APCDD1: variants seen among roughly 807,000 people sequenced by gnomAD.
The protein encoded by APCDD1 is APC down-regulated 1, also known as protein APCDD1.
Under a neutral mutation model 38.1 loss-of-function variants are expected in APCDD1, and 15 were observed. That is an observed-to-expected ratio of 0.39 (90% confidence interval 0.26 to 0.61). The LOEUF is 0.61. APCDD1 is among the 20% of genes least tolerant of loss of function. The pLI is 0.49. For synonymous variants in APCDD1, 261 were observed against 279.7 expected, an observed-to-expected ratio of 0.93 and a Z score of 0.67; for missense variants, 647 against 696.2, an observed-to-expected ratio of 0.93 and a Z score of 0.79.
chr18:10,472,075 C>G lies in APCDD1; in HGVS notation c.774+14C>G, dbSNP rs1487423664. 4 of 1,612,948 alleles carry G rather than the reference C, an allele frequency of 2.5e-6. No homozygotes were observed. Among genetic ancestry groups the G allele is most frequent in the Non-Finnish European group, 3.4e-6 (4 of 1,180,012 alleles). On this transcript the variant is annotated intron_variant, in intron 3 of 4. Coordinates refer to ENST00000355285, the MANE Select transcript of APCDD1 (RefSeq NM_153000.5). This position sits in a 1 kb window ranked among gnomAD's most constrained non-coding sequence, Gnocchi z 6.6. ...CAGAATGCCAAGGTACCTCAGAGCT[C>G]TGTGTTCTCCTCTTTATTGAGTAAA...
intron 3 of APCDD1, among the ~76,000 whole-genome samples, chr18:10,474,868 T>C (rs1470810801): frequency 6.6e-6 from 1 of 152,212 alleles, no homozygotes; most frequent in Non-Finnish European, 1.5e-5. Flanking sequence ...GCATGGCAAT[T>C]AAAGACAGCA....
intron 3 of APCDD1, among the ~76,000 whole-genome samples, chr18:10,473,643 GGAGA>G (rs2030917811): frequency 6.6e-6 from 1 of 152,216 alleles, no homozygotes; most frequent in Non-Finnish European, 1.5e-5. Flanking sequence ...GGTATCAGAA[GGAGA>G]ATCGGCTCAT....
chr18:10,463,162 T>A (rs531801980), intron 1 of APCDD1, among the ~76,000 whole-genome samples: 36 of 152,044 alleles, frequency 2.4e-4, no homozygotes, highest in African/African-American at 8.2e-4. Flanking sequence ...TTGAGTGTGC[T>A]CAAGCACACT....
intron 3 of APCDD1, among the ~76,000 whole-genome samples, chr18:10,483,312 T>C (rs987309778): frequency 1.3e-5 from 2 of 152,250 alleles, no homozygotes; most frequent in African/African-American, 4.8e-5. Flanking sequence ...AGTTTCTCCG[T>C]GTGCCCCTAA....
At chr18:10,461,090 GT>G (rs5823099) in intron 1 of APCDD1, among the ~76,000 whole-genome samples, 41,268 of 151,956 alleles carry the variant, frequency 0.27, 5,734 homozygotes, top group Non-Finnish European at 0.3. Flanking sequence ...TATGATTGTA[GT>G]TTACAATCAT....
In APCDD1 at chr18:10,472,175, G is replaced by A. The variant is rs12955980; in HGVS notation, c.774+114G>A. ...GAAAGGGGGAATTCTGCATCATGGC[G>A]GGGCAGGCCAAGGTGGGGCTGCTGC... On this transcript the variant is annotated intron_variant, in intron 3 of 4. Coordinates refer to ENST00000355285, the MANE Select transcript of APCDD1 (RefSeq NM_153000.5). The surrounding 1 kb of genome is among the most constrained non-coding windows in gnomAD (Gnocchi z 6.6). The A allele has an allele frequency of 2.9e-4, 421 of 1,464,808 alleles. No homozygotes were observed. The highest frequency in any genetic ancestry group is 3.7e-4 in the Non-Finnish European group (395 of 1,060,598). 90.7% of individuals were successfully genotyped at this position (1,464,808 alleles called of 1,614,324 possible). A position where few individuals can be genotyped will look rare whatever the true frequency, so the allele number is the denominator to read the frequency against.
In APCDD1 at chr18:10,475,967, G is replaced by C. The variant is rs2030989289; in HGVS notation, c.774+3906G>C. The C allele has an allele frequency of 6.6e-6, 1 of 152,246 alleles. No homozygotes were observed. 9.4% of individuals were successfully genotyped at this position (152,246 alleles called of 1,614,324 possible). ...AGGAACAAAATGGACTCAGCCATTG[G>C]TGTCTTTCCAGACCCGGGCACCAGA... On this transcript the variant is annotated intron_variant, in intron 3 of 4. Coordinates refer to ENST00000355285, the MANE Select transcript of APCDD1 (RefSeq NM_153000.5). The surrounding 1 kb of genome is among the most constrained non-coding windows in gnomAD (Gnocchi z 4.0).
intron 1 of APCDD1, 142 bp downstream of exon 1, chr18:10,455,181 C>T: frequency 7.3e-7 from 1 of 1,370,050 alleles, no homozygotes; most frequent in Non-Finnish European, 9.6e-7. Flanking sequence ...GAGCCCCGCG[C>T]CTGCCGTCTC....
At chr18:10,483,266 C>G (rs1035271951) in intron 3 of APCDD1, among the ~76,000 whole-genome samples, 10 of 152,224 alleles carry the variant, frequency 6.6e-5, no homozygotes, top group African/African-American at 2.4e-4. Flanking sequence ...CTGTAACTTG[C>G]AGAGGGCAGC....
rs1192689371 is a variant in APCDD1 at position 10,488,876 on chromosome 18, CCA to C, written c.*843_*844del. On this transcript the variant is annotated 3_prime_UTR_variant, in exon 5 of 5. Transcript: ENST00000355285. ...ACGGGTGGCTGCAGTGTGGTACATG[CCA>C]CACAAATGATAGAGAAAGTGCCCGT... The C allele has an allele frequency of 3.3e-5, 5 of 152,276 alleles. No homozygotes were observed. Among genetic ancestry groups the C allele is most frequent in the Non-Finnish European group, 7.3e-5 (5 of 68,044 alleles). The allele number at this position is 152,276 out of a possible 1,614,324, so 9.4% of individuals were successfully genotyped here. A position where few individuals can be genotyped will look rare whatever the true frequency, so the allele number is the denominator to read the frequency against.
At chr18:10,457,658 A>T (rs1345682288) in intron 1 of APCDD1, among the ~76,000 whole-genome samples, 1 of 152,242 alleles carries the variant, frequency 6.6e-6, no homozygotes, top group African/African-American at 2.4e-5. Context: ...TTAGAGATTT[A>T]TTTGTTACAC....
Position 10,483,466 on chromosome 18 carries a change from C to G in APCDD1, c.775-1996C>G, listed in dbSNP as rs147616914. The stretch of plus-strand genomic sequence containing the variant: ...GTTAGCAAAGGAAACATTATCTCGC[C>G]TGAAGTGCAACTCTATGCCCATCTA... On this transcript the variant is annotated intron_variant, in intron 3 of 4. Transcript: ENST00000355285. Among the ~76,000 whole-genome samples the G allele has an allele frequency of 1.5e-3, 229 of 152,342 alleles. 1 individual carries two copies. In the East Asian group the frequency reaches 0.015, roughly 10 times the overall value.
intron 3 of APCDD1, among the ~76,000 whole-genome samples, chr18:10,474,828 T>C (rs1011331365): frequency 1.3e-5 from 2 of 152,072 alleles, no homozygotes; most frequent in Admixed American, 6.5e-5. Flanking sequence ...GGAGGGAAAA[T>C]GCCCCACAAG....
At chr18:10,457,471 T>C (rs1263155855) in intron 1 of APCDD1, among the ~76,000 whole-genome samples, 1 of 152,238 alleles carries the variant, frequency 6.6e-6, no homozygotes, top group African/African-American at 2.4e-5. Flanking sequence ...CTGAAGGCAA[T>C]TCTTGAAATC....
chr18:10,466,602 A>G (rs563539089), intron 1 of APCDD1, among the ~76,000 whole-genome samples: 1 of 152,264 alleles, frequency 6.6e-6, no homozygotes, highest in South Asian at 2.1e-4. Flanking sequence ...TTCCACTTCC[A>G]TAACTCATGT....
chr18:10,481,825 C>CAA (rs34793508), intron 3 of APCDD1, among the ~76,000 whole-genome samples: 1 of 151,452 alleles, frequency 6.6e-6, no homozygotes, highest in African/African-American at 2.4e-5. Flanking sequence ...CTCCACAAGA[C>CAA]AAAAAAAACA....
Position 10,472,082 on chromosome 18 carries a change from C to T in APCDD1, c.774+21C>T. ...CCAAGGTACCTCAGAGCTCTGTGTTCTCCTCTTTATTGAGTAAAGTGGGTG... is the reference window on the plus strand; with the variant it reads ...CCAAGGTACCTCAGAGCTCTGTGTTTTCCTCTTTATTGAGTAAAGTGGGTG... On this transcript the variant is annotated intron_variant, in intron 3 of 4. Transcript: ENST00000355285. This position sits in a 1 kb window ranked among gnomAD's most constrained non-coding sequence, Gnocchi z 6.6. The T allele has an allele frequency of 6.2e-7, 1 of 1,612,722 alleles. No homozygotes were observed. The highest frequency in any genetic ancestry group is 8.5e-7 in the Non-Finnish European group (1 of 1,179,988).
rs976349060 is a variant in APCDD1 at position 10,472,154 on chromosome 18, G to A, written c.774+93G>A. The A allele has an allele frequency of 1.9e-6, 3 of 1,555,534 alleles. No homozygotes were observed. The African/African-American group carries it at 4.1e-5, about 21-fold the overall frequency. ...TGGGGGCTCTAGGGCACCCTTGAAAGGGGGAATTCTGCATCATGGCGGGGC... is the reference window on the plus strand; with the variant it reads ...TGGGGGCTCTAGGGCACCCTTGAAAAGGGGAATTCTGCATCATGGCGGGGC... On this transcript the variant is annotated intron_variant, in intron 3 of 4. Coordinates refer to ENST00000355285, the MANE Select transcript of APCDD1 (RefSeq NM_153000.5). The surrounding 1 kb of genome is among the most constrained non-coding windows in gnomAD (Gnocchi z 6.6).
Position 10,485,576 on chromosome 18 carries a change from A to G in APCDD1, c.889A>G (p.Ser297Gly). Reference protein sequence around the residue: ...LTIGLHGEWVSQRCEVRPEVL... With the variant: ...LTIGLHGEWVGQRCEVRPEVL... ...CATCGGCCTGCACGGGGAGTGGGTG[A>G]GCCAGCGCTGTGAGGTGCGCCCCGA... The change falls in exon 4 of 5, where the codon AGC becomes GGC. Residue 297 changes from serine to glycine, a missense_variant. By Grantham distance (56) the Ser-to-Gly change is moderately conservative. Transcript: ENST00000355285. The surrounding 1 kb of genome is among the most constrained non-coding windows in gnomAD (Gnocchi z 5.8). 1 of 1,614,014 alleles carries G rather than the reference A, an allele frequency of 6.2e-7. No homozygotes were observed. Among genetic ancestry groups the G allele is most frequent in the Non-Finnish European group, 8.5e-7 (1 of 1,179,996 alleles).
Sources: allele counts gnomAD v4.1 joint callset (sites outside exome capture counted in the v4.1 genomes callset), GRCh38; gene constraint gnomAD v4.1.1; non-coding constraint Gnocchi (gnomAD v3.1); transcripts MANE v1.5; gene names NCBI Gene and HGNC (gene_info 2026-07-23, HGNC 2026-07-21).